The following RHAG variants were observed in gnomAD, a reference collection of about 807,000 sequenced individuals.
RHAG encodes Rh associated glycoprotein.
RHAG carries 25 observed loss-of-function variants against 42.4 expected under a neutral mutation model. The ratio of observed to expected loss-of-function variants is 0.59; its 90% confidence interval spans 0.43 to 0.82. The LOEUF (loss-of-function observed/expected upper bound fraction) is 0.82. Ranked by LOEUF, RHAG falls within the 40% of genes least tolerant of loss-of-function variation. The pLI is 0.00. For missense variants in RHAG, 483 were observed against 504.6 expected (o/e 0.96, Z 0.41); for synonymous variants, 182 against 177.7 (o/e 1.02, Z -0.19).
At chr6:49,617,526 G>A (rs1762675123) in intron 3 of RHAG, among the ~76,000 whole-genome samples, 1 of 152,146 alleles carries the variant, frequency 6.6e-6, no homozygotes, top group Admixed American at 6.6e-5. Flanking sequence ...AATATTTGCA[G>A]TTGAATTAAT....
intron 9 of RHAG, among the ~76,000 whole-genome samples, chr6:49,606,363 T>A (rs1774163756): frequency 6.6e-6 from 1 of 152,194 alleles, no homozygotes; most frequent in South Asian, 2.1e-4. Flanking sequence ...TTTTTACGAA[T>A]AGCTTTTTAT....
At chr6:49,610,008 G>T in intron 7 of RHAG, among the ~76,000 whole-genome samples, 1 of 152,020 alleles carries the variant, frequency 6.6e-6, no homozygotes, top group South Asian at 2.1e-4. Flanking sequence ...TTATAAGTGG[G>T]AGTTGAACAG....
At chr6:49,634,956 C>CTGTGTG (rs72452277) in intron 1 of RHAG, among the ~76,000 whole-genome samples, 21,025 of 129,454 alleles carry the variant, frequency 0.16, 2,142 homozygotes, top group Middle Eastern at 0.25. Flanking sequence ...GTGTGTACAC[C>CTGTGTG]TGTGTGTGTG....
chr6:49,614,936 A>T, intron 4 of RHAG, 83 bp from the exon 5 acceptor site: 2 of 1,253,414 alleles, frequency 1.6e-6, no homozygotes, highest in East Asian at 2.5e-5. Flanking sequence ...TTATTTATTT[A>T]CTTATTTATT....
intron 1 of RHAG, among the ~76,000 whole-genome samples, chr6:49,622,833 T>C (rs888035245): frequency 1.4e-5 from 2 of 146,328 alleles, no homozygotes; most frequent in African/African-American, 5.0e-5. Context: ...AACCAGACTT[T>C]TTTTTTTTTT....
chr6:49,620,024 T>C (rs1762727238), intron 1 of RHAG, among the ~76,000 whole-genome samples: 1 of 152,232 alleles, frequency 6.6e-6, no homozygotes, highest in Non-Finnish European at 1.5e-5. Context: ...ACCAGATCAT[T>C]ATTTGGGTCA....
chr6:49,612,254 G>GT (rs1762580876), intron 6 of RHAG, 143 bp downstream of exon 6: 1 of 807,544 alleles, frequency 1.2e-6, no homozygotes, highest in South Asian at 1.6e-5. Flanking sequence ...TGAAATGGGA[G>GT]TGGTATTTCC....
At chr6:49,630,775 C>T (rs1436294266) in intron 1 of RHAG, among the ~76,000 whole-genome samples, 1 of 152,180 alleles carries the variant, frequency 6.6e-6, no homozygotes, top group African/African-American at 2.4e-5. Context: ...ATCAGCATCA[C>T]ATCCAAGAAA....
In RHAG at chr6:49,606,814, C is replaced by T. The variant is rs748731466; in HGVS notation, c.1212+34G>A. 4.1e-5 allele frequency: 57 copies of T among 1,375,068 alleles called. No homozygotes were observed. The East Asian group carries it at 9.6e-4, about 23-fold the overall frequency. The allele number at this position is 1,375,068 out of a possible 1,614,324, so 85.2% of individuals were successfully genotyped here. ...GTAAAGCTTTCACTAATGGAGTCAT[C>T]GTTCACATTCTTGTTTAGAATACTG... On this transcript the variant is annotated intron_variant, in intron 9 of 9. Coordinates refer to ENST00000371175, the MANE Select transcript of RHAG (RefSeq NM_000324.3).
intron 1 of RHAG, among the ~76,000 whole-genome samples, chr6:49,622,238 C>G (rs78749356): frequency 7.5e-6 from 1 of 133,610 alleles, no homozygotes; most frequent in African/African-American, 2.8e-5. Flanking sequence ...TTTTTTTAGA[C>G]AGAGTCTCAT....
At chr6:49,606,471 A>G (rs1291629563) in intron 9 of RHAG, among the ~76,000 whole-genome samples, 1 of 151,986 alleles carries the variant, frequency 6.6e-6, no homozygotes, top group Non-Finnish European at 1.5e-5. Context: ...CTTCTGCTTT[A>G]GAAAATACCA....
intron 8 of RHAG, 65 bp from the exon 9 acceptor site, chr6:49,606,986 A>T (rs931579172): frequency 1.7e-5 from 21 of 1,247,674 alleles, no homozygotes; most frequent in Non-Finnish European, 2.5e-5. Flanking sequence ...CTTGCATAGT[A>T]GCTTATATAC....
At chr6:49,634,376 T>C (rs1219061113) in intron 1 of RHAG, among the ~76,000 whole-genome samples, 1 of 152,070 alleles carries the variant, frequency 6.6e-6, no homozygotes, top group Non-Finnish European at 1.5e-5. Flanking sequence ...GGTGGGAATA[T>C]AAATTATAAT....
chr6:49,618,308 A>C (rs1762689320), intron 2 of RHAG, 90 bp from the exon 3 acceptor site: 12 of 1,383,652 alleles, frequency 8.7e-6, no homozygotes, highest in Non-Finnish European at 1.1e-5. Flanking sequence ...AGGCACATCC[A>C]GTGCTTCCCA....
At chr6:49,631,621 C>A (rs1489964176) in intron 1 of RHAG, among the ~76,000 whole-genome samples, 2 of 152,164 alleles carry the variant, frequency 1.3e-5, no homozygotes, top group Non-Finnish European at 2.9e-5. Context: ...TTACCTTGTG[C>A]TTTCTTTGCC....
rs756491505 is a variant in RHAG, at chr6:49,607,188, G to C, written c.1100C>G (p.Ser367Cys). ...TCCAACAACTGCTGTTCCGATAGAG[G>C]AACCCAGTGCAGCTGCCTGCATGGC... Reference protein sequence around the residue: ...SMAMQAAALGSSIGTAVVGGL... With the variant: ...SMAMQAAALGCSIGTAVVGGL... The change falls in exon 8 of 10, where the codon TCC (serine) becomes TGC (cysteine). Residue 367 changes from serine (S) to cysteine (C), a missense_variant. Coordinates refer to ENST00000371175, the MANE Select transcript of RHAG (RefSeq NM_000324.3). The C allele has an allele frequency of 2.5e-6, 4 of 1,613,790 alleles. No homozygotes were observed. Among genetic ancestry groups the C allele is most frequent in the Non-Finnish European group, 3.4e-6 (4 of 1,179,884 alleles).
At chr6:49,614,948 G>C (rs1388475807) in intron 4 of RHAG, 95 bp from the exon 5 acceptor site, 1 of 1,183,362 alleles carries the variant, frequency 8.5e-7, no homozygotes, top group Non-Finnish European at 1.2e-6. Context: ...TTATTTATTT[G>C]TTTATTTATT....
chr6:49,605,233 GATAGCATTTGAGCTCGTTGCAA>G lies in RHAG; in HGVS notation c.*558_*579del. ...TTTTATGCAAAATAGACTTTGATCA[GATAGCATTTGAGCTCGTTGCAA>G]ATAGTCAACATGCAAAAGGAATTAA... On this transcript the variant is annotated 3_prime_UTR_variant, in exon 10 of 10. Coordinates refer to ENST00000371175, the MANE Select transcript of RHAG (RefSeq NM_000324.3). 6.4e-6 allele frequency: 1 copy of G among 155,666 alleles called. No homozygotes were observed. The highest frequency in any genetic ancestry group is 1.4e-5 in the Non-Finnish European group (1 of 69,952). The allele number at this position is 155,666 out of a possible 1,614,324, so 9.6% of individuals were successfully genotyped here. A position where few individuals can be genotyped will look rare whatever the true frequency, so the allele number is the denominator to read the frequency against.
chr6:49,628,760 G>T (rs374942115), intron 1 of RHAG, among the ~76,000 whole-genome samples: 3 of 151,546 alleles, frequency 2.0e-5, no homozygotes, highest in Admixed American at 1.3e-4. Flanking sequence ...CGAGTTGTTC[G>T]TTCCTCCCGG....
Sources: gnomAD v4.1 joint callset for allele counts (sites outside exome capture counted in the v4.1 genomes callset) on GRCh38, gnomAD v4.1.1 for gene constraint, MANE v1.5 for transcripts, NCBI Gene and HGNC (gene_info 2026-07-23, HGNC 2026-07-21) for gene names.